C1QTNF3: variants seen among roughly 807,000 people sequenced by gnomAD.
C1QTNF3 encodes the protein C1q and TNF related 3.
Under a neutral mutation model 32.6 loss-of-function variants are expected in C1QTNF3, and 26 were observed. That is an observed-to-expected ratio of 0.80 (90% CI 0.58 to 1.11). The LOEUF (loss-of-function observed/expected upper bound fraction) is 1.11, where lower values mean the gene tolerates loss of function less well. C1QTNF3 is among the 50% of genes least tolerant of loss of function. The pLI, the probability that C1QTNF3 is intolerant of heterozygous loss-of-function variation, is 0.00. For synonymous variants in C1QTNF3, 155 were observed against 146.0 expected, an observed-to-expected ratio of 1.06 and a Z score of -0.44; for missense variants, 362 against 398.2, an observed-to-expected ratio of 0.91 and a Z score of 0.77.
At chr5:34,163,744 T>G in the C1QTNF3 span, among the ~76,000 whole-genome samples, 1 of 152,164 alleles carries the variant, frequency 6.6e-6, no homozygotes, top group Admixed American at 6.5e-5. Context: ...TTATATGCAT[T>G]CATTCTTAAA....
At chr5:34,035,305 GAA>G (rs1754709423) in intron 2 of C1QTNF3, among the ~76,000 whole-genome samples, 1 of 152,212 alleles carries the variant, frequency 6.6e-6, no homozygotes, top group Non-Finnish European at 1.5e-5. Flanking sequence ...GAGACTGGAG[GAA>G]GAAGCACTTA....
At chr5:34,234,084 G>C in the C1QTNF3 span, among the ~76,000 whole-genome samples, 2 of 151,992 alleles carry the variant, frequency 1.3e-5, no homozygotes, top group Admixed American at 1.3e-4. Context: ...AGTTCATATC[G>C]TAAGCCTAAA....
chr5:34,159,119 C>G, the C1QTNF3 span, among the ~76,000 whole-genome samples: 98 of 152,066 alleles, frequency 6.4e-4, no homozygotes, highest in Non-Finnish European at 1.2e-3. Flanking sequence ...TTTTAAATAA[C>G]TATATATTTC....
the C1QTNF3 span, among the ~76,000 whole-genome samples, chr5:34,107,352 T>C: frequency 6.7e-6 from 1 of 149,014 alleles, no homozygotes. Context: ...CCTCTTATGA[T>C]ATAGCATGTT....
the C1QTNF3 span, among the ~76,000 whole-genome samples, chr5:34,113,449 G>T: frequency 2.6e-5 from 4 of 151,588 alleles, no homozygotes; most frequent in Admixed American, 2.6e-4. Flanking sequence ...AATATGTTTT[G>T]TTTTTCTCTT....
chr5:34,177,733 C>A, the C1QTNF3 span, among the ~76,000 whole-genome samples: 1 of 151,666 alleles, frequency 6.6e-6, no homozygotes, highest in Admixed American at 6.6e-5. Flanking sequence ...GTGATCCACC[C>A]ACCTCAGCCT....
chr5:34,144,028 A>G, the C1QTNF3 span, among the ~76,000 whole-genome samples: 1 of 152,186 alleles, frequency 6.6e-6, no homozygotes, highest in African/African-American at 2.4e-5. Context: ...TTCTGTCTTC[A>G]AGAGACCTAT....
At chr5:34,194,511 A>G in the C1QTNF3 span, among the ~76,000 whole-genome samples, 1 of 152,410 alleles carries the variant, frequency 6.6e-6, no homozygotes, top group East Asian at 1.9e-4. Context: ...GGCACATGTC[A>G]GAGTCCCATG....
chr5:34,198,525 G>GAGAA, the C1QTNF3 span, among the ~76,000 whole-genome samples: 2 of 40,358 alleles, frequency 5.0e-5, no homozygotes, highest in East Asian at 9.5e-4. Context: ...AGTTGAAGGA[G>GAGAA]AGAAAGAGAG....
the C1QTNF3 span, among the ~76,000 whole-genome samples, chr5:34,048,884 T>C: frequency 3.9e-5 from 6 of 152,188 alleles, no homozygotes; most frequent in Non-Finnish European, 8.8e-5. Flanking sequence ...GGAATGCTCC[T>C]GCCACAAGGA....
the C1QTNF3 span, among the ~76,000 whole-genome samples, chr5:34,154,165 T>C: frequency 1.3e-5 from 2 of 152,204 alleles, no homozygotes; most frequent in East Asian, 3.8e-4. Flanking sequence ...TGTGAAGTAG[T>C]AGTAATCATC....
the C1QTNF3 span, among the ~76,000 whole-genome samples, chr5:34,121,924 T>C: frequency 9.9e-5 from 15 of 152,162 alleles, 1 homozygote; most frequent in Admixed American, 9.8e-4. Context: ...AAACAGATGT[T>C]TATGAACCAG....
intron 4 of C1QTNF3, among the ~76,000 whole-genome samples, chr5:34,025,674 T>C (rs1442884021): frequency 6.6e-6 from 1 of 152,248 alleles, no homozygotes; most frequent in Non-Finnish European, 1.5e-5. Context: ...GAGAGTCAAA[T>C]GACAGTTGGT....
the C1QTNF3 span, chr5:34,164,632 G>C: frequency 1.3e-5 from 2 of 151,852 alleles, no homozygotes; most frequent in East Asian, 3.8e-4. Flanking sequence ...ATGGCCATGG[G>C]TAAAAAAGCA....
chr5:34,201,091 T>C, the C1QTNF3 span, among the ~76,000 whole-genome samples: 1 of 152,062 alleles, frequency 6.6e-6, no homozygotes, highest in African/African-American at 2.4e-5. Flanking sequence ...GTTGGGCTTG[T>C]TACCTGTCTC....
chr5:34,228,841 G>A, the C1QTNF3 span, among the ~76,000 whole-genome samples: 9 of 150,770 alleles, frequency 6.0e-5, no homozygotes, highest in East Asian at 3.9e-4. Flanking sequence ...CCTCTATGCC[G>A]TCCTTAGTCA....
chr5:34,094,830 AC>A, the C1QTNF3 span, among the ~76,000 whole-genome samples: 2 of 148,458 alleles, frequency 1.3e-5, no homozygotes, highest in African/African-American at 5.0e-5. Context: ...TCTTTAACTG[AC>A]ATGGAGTAAA....
At chr5:34,156,218 C>G in the C1QTNF3 span, among the ~76,000 whole-genome samples, 1 of 152,052 alleles carries the variant, frequency 6.6e-6, no homozygotes, top group Non-Finnish European at 1.5e-5. Context: ...TTACAGGCGC[C>G]CACCACCAAG....
At chr5:34,225,036 A>G in the C1QTNF3 span, among the ~76,000 whole-genome samples, 2 of 152,178 alleles carry the variant, frequency 1.3e-5, no homozygotes, top group Non-Finnish European at 2.9e-5. Flanking sequence ...TATGCAGCCA[A>G]AAAACACATG....
Sources: allele counts gnomAD v4.1 joint callset (sites outside exome capture counted in the v4.1 genomes callset), GRCh38; gene constraint gnomAD v4.1.1; transcripts MANE v1.5; gene names NCBI Gene and HGNC (gene_info 2026-07-23, HGNC 2026-07-21).